The following USF1 variants were observed in gnomAD, a reference collection of about 807,000 sequenced individuals.
The protein encoded by USF1 is upstream stimulatory factor 1.
In USF1, 22 loss-of-function variants were observed where a neutral mutation model predicts 46.3. The ratio of observed to expected loss-of-function variants is 0.47; its 90% CI spans 0.34 to 0.68. The LOEUF is 0.68. USF1 is among the 30% of genes least tolerant of loss of function. The pLI is 0.01. For synonymous variants in USF1, 150 were observed against 147.0 expected (o/e 1.02, Z -0.15); for missense variants, 287 against 399.3 (o/e 0.72, Z 2.40).
In USF1 at chr1:161,043,276, C is replaced by A; in HGVS notation, c.-1G>T. On this transcript the variant is annotated 5_prime_UTR_variant, in exon 2 of 11. Coordinates refer to ENST00000368021, the MANE Select transcript of USF1 (RefSeq NM_007122.5). ...ACCTCTTCTTCACTCACCCCTTCATCTCTCTGTGAGGGGGCACATCCGAGG... is the reference window on the plus strand; with the variant it reads ...ACCTCTTCTTCACTCACCCCTTCATATCTCTGTGAGGGGGCACATCCGAGG... 1 of 1,614,208 alleles carries A rather than the reference C, an allele frequency of 6.2e-7. No individual in the cohort carries two copies. Among genetic ancestry groups the A allele is most frequent in the Non-Finnish European group, 8.5e-7 (1 of 1,180,024 alleles).
At position 161,041,695 on chromosome 1, in the gene USF1, T is replaced by C. The variant is rs373960968; in HGVS notation, c.428A>G (p.Gln143Arg). 1.2e-6 allele frequency: 2 copies of C among 1,613,736 alleles called. No homozygotes were observed. The highest frequency in any genetic ancestry group is 2.2e-5 in the East Asian group (1 of 44,886). The change falls in exon 6 of 11, where the codon CAG becomes CGG. Residue 143 changes from glutamine (Q) to arginine (R), a missense_variant. By Grantham distance (43) the Gln-to-Arg change is conservative. Coordinates refer to ENST00000368021, the MANE Select transcript of USF1 (RefSeq NM_007122.5). Reference sequence around the variant, plus strand: ...CTGCCCCAGCAGTGCCTCTGAGCCCTGGGTAGTAACAACAGCAGCTGTACT... The same window carrying C: ...CTGCCCCAGCAGTGCCTCTGAGCCCCGGGTAGTAACAACAGCAGCTGTACT... The part of the protein sequence containing the change: ...SGSTAAVVTT[Q>R]GSEALLGQAT...
chr1:161,040,590 T>G lies in USF1; in HGVS notation c.700A>C (p.Thr234Pro), dbSNP rs1650508556. Residue 234 changes from threonine (T) to proline (P), a missense_variant, in exon 9 of 11, where the codon ACC (threonine) becomes CCC (proline). Transcript: ENST00000368021. This position sits in a 1 kb window ranked among gnomAD's most constrained non-coding sequence, Gnocchi z 4.0. ...KIIPDCSMES[T>P]KSGQSKGGIL... ...CTTTCCATGACCTGGCCAGACTTGG[T>G]GCTCTCCATAGAGCAGTCTGGGATT... is the stretch of plus-strand genomic sequence containing the variant. 6.2e-7 allele frequency: 1 copy of G among 1,612,624 alleles called. No individual in the cohort carries two copies. The highest frequency in any genetic ancestry group is 8.5e-7 in the Non-Finnish European group (1 of 1,179,814).
At position 161,039,851 on chromosome 1, in the gene USF1, G is replaced by T; in HGVS notation, c.*69C>A. The T allele has an allele frequency of 1.3e-6, 2 of 1,529,622 alleles. No individual in the cohort carries two copies. The highest frequency in any genetic ancestry group is 1.8e-6 in the Non-Finnish European group (2 of 1,108,488). 94.8% of individuals were successfully genotyped at this position (1,529,622 alleles called of 1,614,324 possible). ...AGAAGTGGGGCAGTGAAGGAAAGGG[G>T]CACGGGATTAGGCTGTTGCTCCTGG... On this transcript the variant is annotated 3_prime_UTR_variant, in exon 11 of 11. Transcript: ENST00000368021.
Position 161,041,644 on chromosome 1 carries a change from A to T in USF1, c.472+7T>A. On this transcript the variant is annotated splice_region_variant and intron_variant, in intron 6 of 10. Coordinates refer to ENST00000368021, the MANE Select transcript of USF1 (RefSeq NM_007122.5). ...CTTTCAGCCAGCATCCTCATGCAAT[A>T]TCTCACCAGTGCCAGGAGGGGTCGC... The T allele has an allele frequency of 6.2e-7, 1 of 1,604,654 alleles. No homozygotes were observed. The highest frequency in any genetic ancestry group is 2.2e-5 in the East Asian group (1 of 44,630).
At position 161,041,303 on chromosome 1, in the gene USF1, GAAGAA is replaced by G. The variant is rs780353704; in HGVS notation, c.560+16_560+20del. ...AAAAAAAACCACTTACGGAATCTGA[GAAGAA>G]ACAAGGGTCACTCACGGGGAATAAG... is the stretch of plus-strand genomic sequence containing the variant. On this transcript the variant is annotated intron_variant, in intron 7 of 10. Transcript: ENST00000368021. The G allele has an allele frequency of 7.8e-7, 1 of 1,288,266 alleles. No individual in the cohort carries two copies. The highest frequency in any genetic ancestry group is 1.3e-5 in the South Asian group (1 of 77,550). 79.8% of individuals were successfully genotyped at this position (1,288,266 alleles called of 1,614,324 possible).
Position 161,040,932 on chromosome 1 carries a change from G to A in USF1, c.561-60C>T. On this transcript the variant is annotated intron_variant, in intron 7 of 10. Transcript: ENST00000368021. This position sits in a 1 kb window ranked among gnomAD's most constrained non-coding sequence, Gnocchi z 4.0. ...GACAAAATACATGATTGAAGTTTGG[G>A]GTTAAGGAATTATACAAGATTTAGC... 1.9e-6 allele frequency: 3 copies of A among 1,607,740 alleles called. No homozygotes were observed. Among genetic ancestry groups the A allele is most frequent in the Non-Finnish European group, 2.6e-6 (3 of 1,175,648 alleles).
At position 161,040,433 on chromosome 1, in the gene USF1, T is replaced by C; in HGVS notation, c.715-103A>G. ...GGACCTCATTTTCATCTAAGGAAGG[T>C]GGTATAATATCTCCCAGGGATACAG... On this transcript the variant is annotated intron_variant, in intron 9 of 10. Coordinates refer to ENST00000368021, the MANE Select transcript of USF1 (RefSeq NM_007122.5). This position sits in a 1 kb window ranked among gnomAD's most constrained non-coding sequence, Gnocchi z 4.0. 6.3e-7 allele frequency: 1 copy of C among 1,576,664 alleles called. No homozygotes were observed.
rs1404477435 is a variant in USF1, at chr1:161,041,425, G to C, written c.473-14C>G. On this transcript the variant is annotated splice_polypyrimidine_tract_variant and intron_variant, in intron 6 of 10. Coordinates refer to ENST00000368021, the MANE Select transcript of USF1 (RefSeq NM_007122.5). ...CAAAGAATTGACCTGTGAAGATGCA[G>C]GGTAGGTTCTGTCAGGACATGGGTA... The C allele has an allele frequency of 1.2e-6, 2 of 1,612,520 alleles. No homozygotes were observed. Among genetic ancestry groups the C allele is most frequent in the African/African-American group, 1.3e-5 (1 of 74,812 alleles).
intron 1 of USF1, among the ~76,000 whole-genome samples, chr1:161,043,935 A>G (rs1190539833): frequency 1.7e-5 from 2 of 117,594 alleles, no homozygotes; most frequent in Non-Finnish European, 3.4e-5. Flanking sequence ...GAAACAACAC[A>G]TTTCTTTCTT....
chr1:161,041,885 CA>C, intron 5 of USF1, 39 bp from the exon 6 acceptor site: 1 of 1,589,008 alleles, frequency 6.3e-7, no homozygotes, highest in Non-Finnish European at 8.6e-7. Context: ...TGGTAACAGT[CA>C]AAAACTTCTT....
chr1:161,041,913 G>A, intron 5 of USF1, 67 bp from the exon 6 acceptor site: 2 of 1,505,142 alleles, frequency 1.3e-6, no homozygotes, highest in Non-Finnish European at 1.8e-6. Context: ...ACACCACTCT[G>A]CAGCTTCTAT....
chr1:161,042,597 G>C lies in USF1; in HGVS notation c.132C>G (p.Asp44Glu). ...ASIQSAATFP[D>E]PNVKYVFRTE... ...TTCGGAAGACGTACTTGACGTTGGG[G>C]TCAGGGAAGGTGGCAGCTGACTGGA... Residue 44 changes from aspartate (D) to glutamate (E), a missense_variant, in exon 4 of 11, where the codon GAC becomes GAG. Physicochemically the swap from Asp to Glu is conservative, Grantham distance 45 (BLOSUM62 2). Transcript: ENST00000368021. The C allele has an allele frequency of 1.2e-6, 2 of 1,614,246 alleles. No homozygotes were observed. The highest frequency in any genetic ancestry group is 1.7e-6 in the Non-Finnish European group (2 of 1,180,042).
intron 4 of USF1, 101 bp downstream of exon 4, chr1:161,042,454 T>C (rs1323763431): frequency 2.2e-6 from 3 of 1,346,952 alleles, no homozygotes; most frequent in Non-Finnish European, 3.1e-6. Flanking sequence ...GTCCACTCTT[T>C]CAACTCATCC....
In USF1 at chr1:161,039,720, G is replaced by T; in HGVS notation, c.*200C>A. The T allele has an allele frequency of 1.7e-6, 1 of 601,778 alleles. No individual in the cohort carries two copies. 37.3% of individuals were successfully genotyped at this position (601,778 alleles called of 1,614,324 possible). A position where few individuals can be genotyped will look rare whatever the true frequency, so the allele number is the denominator to read the frequency against. On this transcript the variant is annotated 3_prime_UTR_variant, in exon 11 of 11. Transcript: ENST00000368021. ...GGGCTGCATGGTGGGGGTGGGCAAG[G>T]CTGTCAGTGCACGTCCACATTGTGT... is the stretch of plus-strand genomic sequence containing the variant.
At chr1:161,041,473 TGAA>T (rs1190978608) in intron 6 of USF1, 62 bp from the exon 7 acceptor site, 291 of 1,556,488 alleles carry the variant, frequency 1.9e-4, no homozygotes, top group Non-Finnish European at 2.5e-4. Flanking sequence ...AGCCCTGAGG[TGAA>T]GACCCTGGTC....
chr1:161,042,339 A>G, intron 4 of USF1, 122 bp from the exon 5 acceptor site: 1 of 1,126,784 alleles, frequency 8.9e-7, no homozygotes, highest in African/African-American at 1.6e-5. Flanking sequence ...CTTCAGAGAC[A>G]TGGATTCAGC....
chr1:161,041,474 G>A, intron 6 of USF1, 63 bp from the exon 7 acceptor site: 2 of 1,550,256 alleles, frequency 1.3e-6, no homozygotes, highest in South Asian at 1.1e-5. Flanking sequence ...GCCCTGAGGT[G>A]AAGACCCTGG....
rs372940280 is a variant in USF1, at chr1:161,040,569, C to T, written c.714+7G>A. On this transcript the variant is annotated splice_region_variant and intron_variant, in intron 9 of 10. Coordinates refer to ENST00000368021, the MANE Select transcript of USF1 (RefSeq NM_007122.5). The surrounding 1 kb of genome is among the most constrained non-coding windows in gnomAD (Gnocchi z 4.0). ...CATCCTGCCCACTACCAGGGTCTTTCCATGACCTGGCCAGACTTGGTGCTC... is the reference window on the plus strand; with the variant it reads ...CATCCTGCCCACTACCAGGGTCTTTTCATGACCTGGCCAGACTTGGTGCTC... 17 of 1,611,478 alleles carry T rather than the reference C, an allele frequency of 1.1e-5. No homozygotes were observed. The African/African-American group carries it at 1.9e-4, about 18-fold the overall frequency.
intron 6 of USF1, 113 bp downstream of exon 6, chr1:161,041,538 C>G: frequency 1.4e-6 from 2 of 1,474,454 alleles, no homozygotes; most frequent in South Asian, 1.3e-5. Flanking sequence ...GACTCACTGC[C>G]TGTCCAGGTC....
Sources: allele counts gnomAD v4.1 joint callset (sites outside exome capture counted in the v4.1 genomes callset), GRCh38; gene constraint gnomAD v4.1.1; non-coding constraint Gnocchi (gnomAD v3.1); transcripts MANE v1.5; gene names NCBI Gene and HGNC (gene_info 2026-07-23, HGNC 2026-07-21).